CTNNA3: variants seen among roughly 807,000 people sequenced by gnomAD.
CTNNA3 encodes catenin alpha-3.
A neutral mutation model predicts 95.7 loss-of-function variants in CTNNA3; 76 were observed. That is an observed-to-expected ratio of 0.79 (90% confidence interval 0.66 to 0.96). CTNNA3 has a LOEUF of 0.96. Among genes scored for constraint, CTNNA3 ranks in the 40% least tolerant of loss-of-function variants. The pLI, the probability that CTNNA3 is intolerant of heterozygous loss-of-function variation, is 0.00. For synonymous variants in CTNNA3, 431 were observed against 374.4 expected, an observed-to-expected ratio of 1.15 and a Z score of -1.74; for missense variants, 1,191 against 1,089.8, an observed-to-expected ratio of 1.09 and a Z score of -1.31.
chr10:66,860,201 C>T (rs1349263659), intron 7 of CTNNA3, among the ~76,000 whole-genome samples: 2 of 152,002 alleles, frequency 1.3e-5, no homozygotes, highest in Non-Finnish European at 2.9e-5. Context: ...TTTGAAGGCA[C>T]TTTAGAGATA....
intron 13 of CTNNA3, among the ~76,000 whole-genome samples, chr10:66,133,569 C>T (rs964866341): frequency 1.3e-5 from 2 of 148,696 alleles, no homozygotes; most frequent in African/African-American, 2.5e-5. Flanking sequence ...AGAAATAAAG[C>T]GAGAAAGCAT....
chr10:66,133,279 C>T (rs983448074), intron 13 of CTNNA3, among the ~76,000 whole-genome samples: 1 of 152,036 alleles, frequency 6.6e-6, no homozygotes, highest in Non-Finnish European at 1.5e-5. Flanking sequence ...CTTTGGGAGG[C>T]CAAGACAGGT....
At chr10:67,099,444 G>C (rs1858207667) in intron 7 of CTNNA3, 1 of 151,136 alleles carries the variant, frequency 6.6e-6, no homozygotes, top group African/African-American at 2.4e-5. Flanking sequence ...ATCTAACAGG[G>C]GCCAATCAAA....
intron 13 of CTNNA3, among the ~76,000 whole-genome samples, chr10:66,170,880 T>A (rs1025521796): frequency 6.6e-6 from 1 of 152,084 alleles, no homozygotes; most frequent in East Asian, 1.9e-4. Context: ...TTGCCTGTAA[T>A]CCCAGCACTT....
rs1334964072 is a variant in CTNNA3, at chr10:66,331,239, G to T, written c.1732+47913C>A. On this transcript the variant is annotated intron_variant, in intron 12 of 17. Transcript: ENST00000433211. ...TTTTTAATCAAGCTTGAATTAATTT[G>T]TGTATAAGGTGTAAGGAAGGGATCC... Among the ~76,000 whole-genome samples, 6 of 149,420 alleles carry T rather than the reference G, an allele frequency of 4.0e-5. No individual in the cohort carries two copies. In the East Asian group the frequency reaches 5.9e-4, roughly 15 times the overall value.
In CTNNA3 at chr10:67,242,913, A is replaced by C. The variant is rs115361156; in HGVS notation, c.580-23043T>G. Among the ~76,000 whole-genome samples the C allele has an allele frequency of 8.2e-3, 1,248 of 152,330 alleles. 13 individuals are homozygous for C. The highest frequency in any genetic ancestry group is 0.023 in the African/African-American group (975 of 41,574). Reference sequence around the variant, plus strand: ...CTCACTTCAGCTACAAAATGTGAACAATTCCTACCTTTTAGGGTATTAATG... The same window carrying C: ...CTCACTTCAGCTACAAAATGTGAACCATTCCTACCTTTTAGGGTATTAATG... On this transcript the variant is annotated intron_variant, in intron 5 of 17. Coordinates refer to ENST00000433211, the MANE Select transcript of CTNNA3 (RefSeq NM_013266.4).
chr10:66,663,564 T>G (rs1846337407), intron 9 of CTNNA3, among the ~76,000 whole-genome samples: 1 of 152,078 alleles, frequency 6.6e-6, no homozygotes, highest in African/African-American at 2.4e-5. Flanking sequence ...ACATTACAAA[T>G]GAATAAAAGC....
chr10:66,313,213 A>C (rs936684506), intron 12 of CTNNA3, among the ~76,000 whole-genome samples: 1 of 152,176 alleles, frequency 6.6e-6, no homozygotes, highest in Non-Finnish European at 1.5e-5. Flanking sequence ...TGTGGGTATT[A>C]TTATCTTTGA....
At chr10:66,510,393 T>C (rs1840613045) in intron 11 of CTNNA3, among the ~76,000 whole-genome samples, 1 of 151,890 alleles carries the variant, frequency 6.6e-6, no homozygotes, top group Admixed American at 6.6e-5. Flanking sequence ...CTTACTTTCT[T>C]TTTCCTAATT....
chr10:67,731,247 G>T (rs1181606634), intron 1 of CTNNA3, among the ~76,000 whole-genome samples: 1 of 152,176 alleles, frequency 6.6e-6, no homozygotes, highest in Non-Finnish European at 1.5e-5. Flanking sequence ...GCCAGATGTG[G>T]TGGCTCACAC....
intron 3 of CTNNA3, among the ~76,000 whole-genome samples, chr10:67,597,777 C>T (rs1436775324): frequency 6.6e-6 from 1 of 152,156 alleles, no homozygotes; most frequent in Non-Finnish European, 1.5e-5. Flanking sequence ...TGTGCATGCA[C>T]ATGTGCTCCA....
intron 17 of CTNNA3, among the ~76,000 whole-genome samples, chr10:65,923,917 C>G (rs1346312280): frequency 6.6e-6 from 1 of 151,998 alleles, no homozygotes; most frequent in Non-Finnish European, 1.5e-5. Flanking sequence ...TTTCCTAAAG[C>G]TAATTTTTTT....
chr10:66,372,031 G>T (rs2092758407), intron 12 of CTNNA3, among the ~76,000 whole-genome samples: 1 of 152,092 alleles, frequency 6.6e-6, no homozygotes, highest in Non-Finnish European at 1.5e-5. Flanking sequence ...TTCAGAGGGG[G>T]CTGGAATGGT....
intron 8 of CTNNA3, among the ~76,000 whole-genome samples, chr10:66,768,017 T>A (rs1273776963): frequency 1.3e-5 from 2 of 152,120 alleles, no homozygotes; most frequent in African/African-American, 2.4e-5. Flanking sequence ...CTTAACTGAA[T>A]GAATAATGTG....
chr10:66,256,081 A>T (rs2090760039), intron 13 of CTNNA3, among the ~76,000 whole-genome samples: 1 of 152,172 alleles, frequency 6.6e-6, no homozygotes, highest in African/African-American at 2.4e-5. Flanking sequence ...TGGCCCAGAC[A>T]GAGGCAGGGG....
chr10:67,658,218 A>G (rs956714159), intron 1 of CTNNA3, among the ~76,000 whole-genome samples: 18 of 152,162 alleles, frequency 1.2e-4, no homozygotes, highest in African/African-American at 4.3e-4. Flanking sequence ...CCTGAACATC[A>G]GTTTCCTAAT....
At chr10:67,391,961 A>T (rs1385958704) in intron 5 of CTNNA3, among the ~76,000 whole-genome samples, 1 of 151,400 alleles carries the variant, frequency 6.6e-6, no homozygotes, top group Non-Finnish European at 1.5e-5. Flanking sequence ...CCTAGAAGAA[A>T]ACCTAGGCAT....
intron 13 of CTNNA3, among the ~76,000 whole-genome samples, chr10:66,265,687 C>G (rs1337690396): frequency 6.6e-6 from 1 of 151,956 alleles, no homozygotes; most frequent in Non-Finnish European, 1.5e-5. Flanking sequence ...TTTAAAATTG[C>G]TGCCACACTC....
chr10:67,377,258 T>C (rs922476066), intron 5 of CTNNA3, among the ~76,000 whole-genome samples: 1 of 152,156 alleles, frequency 6.6e-6, no homozygotes, highest in African/African-American at 2.4e-5. Context: ...CCTTCTGTAC[T>C]AGAAAGTAGA....
Sources: allele counts gnomAD v4.1 joint callset (sites outside exome capture counted in the v4.1 genomes callset), GRCh38; gene constraint gnomAD v4.1.1; transcripts MANE v1.5; gene names NCBI Gene and HGNC (gene_info 2026-07-23, HGNC 2026-07-21).